Variants in CTNNA3 observed in about 807,000 individuals in gnomAD.
CTNNA3 encodes the protein catenin alpha 3, also known as catenin alpha-3.
Under a neutral mutation model 95.7 loss-of-function variants are expected in CTNNA3, and 76 were observed. The observed-to-expected ratio is 0.79, with a 90% CI of 0.66 to 0.96. The LOEUF (loss-of-function observed/expected upper bound fraction) is 0.96. Among genes scored for constraint, CTNNA3 ranks in the 40% least tolerant of loss-of-function variants. The pLI, the probability that CTNNA3 is intolerant of heterozygous loss-of-function variation, is 0.00. For missense variants in CTNNA3, 1,191 were observed against 1,089.8 expected (o/e 1.09, Z -1.31); for synonymous variants, 431 against 374.4 (o/e 1.15, Z -1.74).
At chr10:67,394,011 G>A (rs1204528817) in intron 5 of CTNNA3, among the ~76,000 whole-genome samples, 2 of 152,056 alleles carry the variant, frequency 1.3e-5, no homozygotes, top group Admixed American at 1.3e-4. Context: ...TTCTTGCTGG[G>A]GGCAAAGGAT....
At chr10:66,871,189 G>C (rs1383614920) in intron 7 of CTNNA3, among the ~76,000 whole-genome samples, 1 of 152,166 alleles carries the variant, frequency 6.6e-6, no homozygotes, top group Non-Finnish European at 1.5e-5. Flanking sequence ...TTAGGTTGAA[G>C]AAAATCATAT....
intron 7 of CTNNA3, among the ~76,000 whole-genome samples, chr10:66,797,378 T>G (rs1841244430): frequency 6.7e-6 from 1 of 148,680 alleles, no homozygotes; most frequent in Non-Finnish European, 1.5e-5. Flanking sequence ...CAAGATAGAG[T>G]TCACTGCCTC....
chr10:66,350,893 G>T (rs549487011), intron 12 of CTNNA3, among the ~76,000 whole-genome samples: 35 of 152,014 alleles, frequency 2.3e-4, no homozygotes, highest in South Asian at 1.5e-3. Context: ...AGATCCTATG[G>T]GAAAGATCCA....
chr10:66,526,077 T>C (rs1159487372), intron 10 of CTNNA3, among the ~76,000 whole-genome samples: 1 of 152,204 alleles, frequency 6.6e-6, no homozygotes, highest in Non-Finnish European at 1.5e-5. Flanking sequence ...GTTGTTTCCA[T>C]ATTTTGGCTG....
chr10:66,412,823 G>T (rs2093117993), intron 11 of CTNNA3, among the ~76,000 whole-genome samples: 1 of 147,440 alleles, frequency 6.8e-6, no homozygotes, highest in African/African-American at 2.6e-5. Context: ...ATATTATTTG[G>T]TAAAACTTGA....
intron 15 of CTNNA3, among the ~76,000 whole-genome samples, chr10:65,997,930 G>A (rs184343080): frequency 5.3e-5 from 8 of 152,186 alleles, no homozygotes; most frequent in Admixed American, 3.9e-4. Flanking sequence ...CAGGAGAATC[G>A]CTCGAACTCA....
At chr10:67,260,544 T>G (rs1252822901) in intron 5 of CTNNA3, among the ~76,000 whole-genome samples, 1 of 152,200 alleles carries the variant, frequency 6.6e-6, no homozygotes, top group African/African-American at 2.4e-5. Flanking sequence ...ACCTAGAAAT[T>G]CATTCTTCTA....
At chr10:66,787,497 CCT>C (rs1367467636) in intron 7 of CTNNA3, among the ~76,000 whole-genome samples, 1 of 151,998 alleles carries the variant, frequency 6.6e-6, no homozygotes, top group African/African-American at 2.4e-5. Context: ...TCTCCTTCTG[CCT>C]CTGTCTCTCC....
intron 5 of CTNNA3, among the ~76,000 whole-genome samples, chr10:67,400,752 AT>A (rs1844886432): frequency 6.6e-6 from 1 of 152,222 alleles, no homozygotes; most frequent in Non-Finnish European, 1.5e-5. Flanking sequence ...AATTAATAAT[AT>A]GTAATTTAAT....
At chr10:66,310,939 G>A (rs2132259096) in intron 12 of CTNNA3, among the ~76,000 whole-genome samples, 1 of 152,132 alleles carries the variant, frequency 6.6e-6, no homozygotes, top group East Asian at 1.9e-4. Flanking sequence ...CACCCGCCTT[G>A]GCCTCCCAAA....
At chr10:66,871,247 C>T (rs1255907018) in intron 7 of CTNNA3, among the ~76,000 whole-genome samples, 3 of 152,234 alleles carry the variant, frequency 2.0e-5, no homozygotes, top group African/African-American at 4.8e-5. Context: ...CTGATTTAAG[C>T]TATCACTCTG....
At position 66,335,281 on chromosome 10, in the gene CTNNA3, A is replaced by G. The variant is rs369853742; in HGVS notation, c.1732+43871T>C. On this transcript the variant is annotated intron_variant, in intron 12 of 17. Transcript: ENST00000433211. The stretch of plus-strand genomic sequence containing the variant: ...TGTTCCATTGCTGGTGAGGAGCTGC[A>G]TTCCTTTGGAGGAGGAGAGGCACTC... 4.5e-4 allele frequency among the ~76,000 whole-genome samples: 69 copies of G among 152,200 alleles called. 1 individual carries two copies. In the South Asian group the frequency reaches 0.014, roughly 31 times the overall value.
chr10:66,042,283 A>C (rs866374656), intron 15 of CTNNA3, among the ~76,000 whole-genome samples: 4 of 152,248 alleles, frequency 2.6e-5, no homozygotes, highest in Admixed American at 6.5e-5. Context: ...TATTTTTAAA[A>C]ATTTATTAAT....
At chr10:66,180,283 C>A (rs758658846) in intron 13 of CTNNA3, among the ~76,000 whole-genome samples, 2 of 151,996 alleles carry the variant, frequency 1.3e-5, no homozygotes, top group African/African-American at 2.4e-5. Flanking sequence ...AATCAAGAGG[C>A]AATCTAAGTG....
chr10:67,320,067 T>TA (rs1589162162), intron 5 of CTNNA3, among the ~76,000 whole-genome samples: 1 of 152,102 alleles, frequency 6.6e-6, no homozygotes, highest in African/African-American at 2.4e-5. Context: ...GTAAACTTGG[T>TA]AAAAACCCTG....
intron 11 of CTNNA3, among the ~76,000 whole-genome samples, chr10:66,486,740 C>T (rs1589318706): frequency 6.6e-6 from 1 of 151,966 alleles, no homozygotes; most frequent in Non-Finnish European, 1.5e-5. Context: ...ATCTGAACTC[C>T]CATGCTCATT....
At chr10:67,680,346 A>G (rs1387884999) in intron 1 of CTNNA3, among the ~76,000 whole-genome samples, 2 of 152,260 alleles carry the variant, frequency 1.3e-5, no homozygotes, top group South Asian at 2.1e-4. Context: ...ATCAGTCCTC[A>G]CTAACAGATA....
intron 10 of CTNNA3, among the ~76,000 whole-genome samples, chr10:66,572,780 GAGGA>G (rs1328284425): frequency 6.6e-6 from 1 of 152,148 alleles, no homozygotes; most frequent in Non-Finnish European, 1.5e-5. Context: ...AAATAGACTT[GAGGA>G]AGATGTTTCC....
chr10:66,685,347 ATATATTTT>A (rs1847249654), intron 9 of CTNNA3, among the ~76,000 whole-genome samples: 16 of 48,564 alleles, frequency 3.3e-4, no homozygotes, highest in African/African-American at 6.9e-4. Flanking sequence ...ATATATATAT[ATATATTTT>A]TTTTTTTTTT....
Sources: gnomAD v4.1 joint callset for allele counts (sites outside exome capture counted in the v4.1 genomes callset) on GRCh38, gnomAD v4.1.1 for gene constraint, MANE v1.5 for transcripts, NCBI Gene and HGNC (gene_info 2026-07-23, HGNC 2026-07-21) for gene names.